The following AKR1C8 variants were observed in gnomAD, a reference collection of about 807,000 sequenced individuals.
The protein encoded by AKR1C8 is aldo-keto reductase family 1 member C8.
At chr10:5,132,743 A>G in the AKR1C8 span, 3 of 1,496,254 alleles carry the variant, frequency 2.0e-6, no homozygotes, top group East Asian at 6.8e-5. Flanking sequence ...CTAATTTTGT[A>G]ACCTCCACAA....
At chr10:5,175,655 A>C in the AKR1C8 span, among the ~76,000 whole-genome samples, 2 of 152,118 alleles carry the variant, frequency 1.3e-5, no homozygotes, top group Non-Finnish European at 2.9e-5. Flanking sequence ...CTGACTTTTT[A>C]ATGATTGCCA....
At chr10:5,140,116 A>G in the AKR1C8 span, among the ~76,000 whole-genome samples, 2 of 152,234 alleles carry the variant, frequency 1.3e-5, no homozygotes, top group Non-Finnish European at 2.9e-5. Flanking sequence ...CACACCAGTT[A>G]GAATGATGAT....
At chr10:5,159,473 C>A in the AKR1C8 span, among the ~76,000 whole-genome samples, 1 of 152,154 alleles carries the variant, frequency 6.6e-6, no homozygotes, top group African/African-American at 2.4e-5. Flanking sequence ...AGTCTCCTTG[C>A]CAGTGCCTCT....
the AKR1C8 span, among the ~76,000 whole-genome samples, chr10:5,166,837 CAG>C: frequency 6.6e-6 from 1 of 152,026 alleles, no homozygotes; most frequent in African/African-American, 2.4e-5. Flanking sequence ...AAACTACCCT[CAG>C]AGTGAACAGG....
At chr10:5,158,899 T>A in the AKR1C8 span, among the ~76,000 whole-genome samples, 1 of 152,216 alleles carries the variant, frequency 6.6e-6, no homozygotes, top group Admixed American at 6.5e-5. Flanking sequence ...ATACAGTAAT[T>A]TTCTTATTCC....
At chr10:5,183,924 T>A in the AKR1C8 span, among the ~76,000 whole-genome samples, 1 of 152,234 alleles carries the variant, frequency 6.6e-6, no homozygotes, top group Non-Finnish European at 1.5e-5. Flanking sequence ...CACATTTGTC[T>A]TTTGTGTAAC....
the AKR1C8 span, chr10:5,157,753 G>T: frequency 2.1e-6 from 1 of 472,002 alleles, no homozygotes; most frequent in South Asian, 1.5e-5. Flanking sequence ...CTTGGCAATG[G>T]ATTTCAAGAT....
the AKR1C8 span, among the ~76,000 whole-genome samples, chr10:5,137,378 G>A: frequency 6.6e-6 from 1 of 152,042 alleles, no homozygotes; most frequent in Non-Finnish European, 1.5e-5. Flanking sequence ...GAATCCAGCA[G>A]CACATCAAAA....
chr10:5,182,908 CA>C, the AKR1C8 span, among the ~76,000 whole-genome samples: 2,152 of 131,818 alleles, frequency 0.016, 30 homozygotes, highest in African/African-American at 0.035. Context: ...GACTCTGTCT[CA>C]AAAAAAAAAA....
chr10:5,177,817 G>A, the AKR1C8 span, among the ~76,000 whole-genome samples: 17 of 152,134 alleles, frequency 1.1e-4, 1 homozygote, highest in Admixed American at 8.5e-4. Flanking sequence ...TGTGGGATCG[G>A]TGGTGATATC....
the AKR1C8 span, among the ~76,000 whole-genome samples, chr10:5,174,710 TA>T: frequency 1.6e-4 from 25 of 151,920 alleles, no homozygotes; most frequent in African/African-American, 6.0e-4. Flanking sequence ...CTACTATAAA[TA>T]AATTTACATA....
At chr10:5,128,935 A>G in the AKR1C8 span, among the ~76,000 whole-genome samples, 4 of 152,070 alleles carry the variant, frequency 2.6e-5, no homozygotes, top group Non-Finnish European at 5.9e-5. Context: ...AAAAATTACT[A>G]AACAGATGTT....
the AKR1C8 span, among the ~76,000 whole-genome samples, chr10:5,173,307 A>G: frequency 6.6e-6 from 1 of 152,068 alleles, no homozygotes; most frequent in Non-Finnish European, 1.5e-5. Flanking sequence ...TCAGACATGG[A>G]GAAAGGGACA....
At chr10:5,153,699 C>A in the AKR1C8 span, among the ~76,000 whole-genome samples, 1 of 152,028 alleles carries the variant, frequency 6.6e-6, no homozygotes, top group East Asian at 1.9e-4. Flanking sequence ...TTTAAACAAC[C>A]AGATTTCATG....
the AKR1C8 span, among the ~76,000 whole-genome samples, chr10:5,162,635 C>T: frequency 5.3e-5 from 8 of 152,102 alleles, no homozygotes; most frequent in Non-Finnish European, 8.8e-5. Context: ...GTATTATTTC[C>T]ATTTTATACA....
chr10:5,129,946 C>T, the AKR1C8 span, among the ~76,000 whole-genome samples: 8 of 151,798 alleles, frequency 5.3e-5, no homozygotes, highest in South Asian at 8.3e-4. Context: ...AATACCAAAA[C>T]GAGGAAAGGA....
the AKR1C8 span, among the ~76,000 whole-genome samples, chr10:5,126,678 A>T: frequency 6.6e-6 from 1 of 152,152 alleles, no homozygotes; most frequent in Admixed American, 6.6e-5. Flanking sequence ...TAAATAAAAA[A>T]GTGCACACAA....
At chr10:5,133,467 T>G in the AKR1C8 span, among the ~76,000 whole-genome samples, 8 of 152,212 alleles carry the variant, frequency 5.3e-5, no homozygotes, top group Non-Finnish European at 1.0e-4. Flanking sequence ...AAGAATACAG[T>G]GCAAGTTCCT....
chr10:5,174,284 A>T, the AKR1C8 span, among the ~76,000 whole-genome samples: 5 of 40,682 alleles, frequency 1.2e-4, no homozygotes, highest in African/African-American at 3.6e-4. Context: ...ATGTCTATAA[A>T]AAAAAAAACT....
Sources: gnomAD v4.1 joint callset for allele counts (sites outside exome capture counted in the v4.1 genomes callset) on GRCh38, gnomAD v4.1.1 for gene constraint, MANE v1.5 for transcripts, NCBI Gene and HGNC (gene_info 2026-07-23, HGNC 2026-07-21) for gene names.